VCAN: variants seen among roughly 807,000 people sequenced by gnomAD.
The protein encoded by VCAN is versican core protein.
In VCAN, 44 loss-of-function variants were observed where a neutral mutation model predicts 245.5. That is an observed-to-expected ratio of 0.18 (90% CI 0.14 to 0.23). VCAN has a LOEUF of 0.23. VCAN is among the 10% of genes least tolerant of loss of function. VCAN has a pLI of 1.00. For synonymous variants in VCAN, 1,413 were observed against 1,437.0 expected, an observed-to-expected ratio of 0.98 and a Z score of 0.38; for missense variants, 3,793 against 4,057.9, an observed-to-expected ratio of 0.93 and a Z score of 1.77.
intron 1 of VCAN, 24 bp downstream of exon 1, chr5:83,472,047 C>T: frequency 3.0e-6 from 1 of 336,506 alleles, no homozygotes. Flanking sequence ...TTTTGTTCCC[C>T]CCTTAAAAAA....
At chr5:83,487,862 C>G (rs1005481581) in intron 2 of VCAN, among the ~76,000 whole-genome samples, 2 of 151,972 alleles carry the variant, frequency 1.3e-5, no homozygotes, top group Admixed American at 6.6e-5. Context: ...ATGTCTGTCC[C>G]TATATACTTC....
chr5:83,570,616 G>C lies in VCAN; in HGVS notation c.9736-1800G>C, dbSNP rs558607697. Among the ~76,000 whole-genome samples the C allele has an allele frequency of 1.1e-4, 17 of 152,062 alleles. No individual in the cohort carries two copies. The East Asian group carries it at 3.3e-3, about 29-fold the overall frequency. On this transcript the variant is annotated intron_variant, in intron 12 of 14. Transcript: ENST00000265077. Reference sequence around the variant, plus strand: ...ATTGGTATACAAATCCAATTTCATAGGTAGGAGAATACCTTTTAAGTTTTT... The same window carrying C: ...ATTGGTATACAAATCCAATTTCATACGTAGGAGAATACCTTTTAAGTTTTT...
chr5:83,567,229 T>TGC (rs1167614027), intron 12 of VCAN, among the ~76,000 whole-genome samples: 2 of 152,040 alleles, frequency 1.3e-5, no homozygotes, highest in African/African-American at 4.8e-5. Context: ...TATAAAATAA[T>TGC]TATCTCTTAA....
chr5:83,477,828 T>C (rs1423121732), intron 1 of VCAN, among the ~76,000 whole-genome samples: 2 of 152,040 alleles, frequency 1.3e-5, no homozygotes, highest in African/African-American at 2.4e-5. Context: ...CATAGAGTTT[T>C]AAAATTATAG....
At chr5:83,488,874 G>GT (rs1744874270) in intron 2 of VCAN, among the ~76,000 whole-genome samples, 1 of 152,154 alleles carries the variant, frequency 6.6e-6, no homozygotes, top group Non-Finnish European at 1.5e-5. Context: ...CACATGAAAT[G>GT]TTTTATAGGC....
Position 83,555,052 on chromosome 5 carries a change from G to A in VCAN, c.9735+14G>A, listed in dbSNP as rs1176239522. 6.2e-7 allele frequency: 1 copy of A among 1,612,994 alleles called. No homozygotes were observed. Among genetic ancestry groups the A allele is most frequent in the South Asian group, 1.1e-5 (1 of 91,056 alleles). On this transcript the variant is annotated intron_variant, in intron 12 of 14. Transcript: ENST00000265077. ...GGCAGCACACTGGTAAGATGCCCTTGAAAATGATGTCAAGTTCTACCTTCT... is the reference window on the plus strand; with the variant it reads ...GGCAGCACACTGGTAAGATGCCCTTAAAAATGATGTCAAGTTCTACCTTCT...
intron 6 of VCAN, 132 bp from the exon 7 acceptor site, chr5:83,519,217 C>G: frequency 1.3e-6 from 1 of 798,418 alleles, no homozygotes; most frequent in Non-Finnish European, 2.0e-6. Context: ...TAAGACTCCT[C>G]TCCATCACAG....
rs776206873 is a variant in VCAN, at chr5:83,539,217, C to T, written c.6214C>T (p.Pro2072Ser). ...AGCAGAAGTGGAAGGTACGAAAGCT[C>T]CAGTAGAGAAGGAGGAAGTAAAGGT... ...PTAEVEGTKA[P>S]VEKEEVKVSG... Residue 2072 changes from proline to serine, a missense_variant, in exon 8 of 15, where the codon CCA becomes TCA. By Grantham distance (74) the Pro-to-Ser change is moderately conservative (BLOSUM62 -1). This residue lies in a region of VCAN where 3,182 missense variants were observed against 3,250.3 expected (regional missense o/e 0.98). Coordinates refer to ENST00000265077, the MANE Select transcript of VCAN (RefSeq NM_004385.5). 1 of 1,613,904 alleles carries T rather than the reference C, an allele frequency of 6.2e-7. No individual in the cohort carries two copies. The highest frequency in any genetic ancestry group is 8.5e-7 in the Non-Finnish European group (1 of 1,179,946).
chr5:83,565,941 T>C (rs1748063478), intron 12 of VCAN, among the ~76,000 whole-genome samples: 1 of 151,946 alleles, frequency 6.6e-6, no homozygotes, highest in African/African-American at 2.4e-5. Flanking sequence ...CTAAGTCTTA[T>C]CTATTTCTGA....
chr5:83,555,660 A>G (rs1292495643), intron 12 of VCAN, among the ~76,000 whole-genome samples: 2 of 152,182 alleles, frequency 1.3e-5, no homozygotes, highest in African/African-American at 2.4e-5. Context: ...ACTAAACTCA[A>G]ATAAATCTAA....
intron 12 of VCAN, among the ~76,000 whole-genome samples, chr5:83,563,697 C>T (rs536028580): frequency 2.3e-4 from 35 of 152,248 alleles, no homozygotes; most frequent in Middle Eastern, 6.8e-3. Flanking sequence ...AATTTTGTAG[C>T]TCTGGGAGTA....
chr5:83,569,027 C>A (rs753634609), intron 12 of VCAN, among the ~76,000 whole-genome samples: 1 of 152,170 alleles, frequency 6.6e-6, no homozygotes, highest in African/African-American at 2.4e-5. Flanking sequence ...TTTATTTATT[C>A]TTCAAAGAAA....
intron 9 of VCAN, among the ~76,000 whole-genome samples, chr5:83,546,375 T>C (rs967142147): frequency 2.0e-5 from 3 of 152,156 alleles, no homozygotes; most frequent in African/African-American, 7.2e-5. Flanking sequence ...TTACAATGAT[T>C]GAGTAAAGAA....
At chr5:83,505,797 A>T (rs1745465219) in intron 5 of VCAN, among the ~76,000 whole-genome samples, 1 of 152,154 alleles carries the variant, frequency 6.6e-6, no homozygotes, top group African/African-American at 2.4e-5. Flanking sequence ...CCTACAGCAA[A>T]CTTCTGCCTG....
chr5:83,500,635 A>G (rs1480762065), intron 5 of VCAN, among the ~76,000 whole-genome samples: 2 of 152,162 alleles, frequency 1.3e-5, no homozygotes, highest in Non-Finnish European at 2.9e-5. Context: ...AGGTTAAGTG[A>G]TTAGATATGC....
At chr5:83,498,646 CA>C (rs770093870) in intron 5 of VCAN, among the ~76,000 whole-genome samples, 1 of 152,048 alleles carries the variant, frequency 6.6e-6, no homozygotes, top group Non-Finnish European at 1.5e-5. Flanking sequence ...GAAAGAATAC[CA>C]AAAGAACAAA....
rs187567161 is a variant in VCAN at position 83,580,452 on chromosome 5, A to G, written c.*18A>G. 1,115 of 1,613,424 alleles carry G rather than the reference A, an allele frequency of 6.9e-4. No homozygotes were observed. The highest frequency in any genetic ancestry group is 1.2e-3 in the Admixed American group (70 of 59,956). On this transcript the variant is annotated 3_prime_UTR_variant, in exon 15 of 15. Coordinates refer to ENST00000265077, the MANE Select transcript of VCAN (RefSeq NM_004385.5). ...GGCGCTGATCCCTAAAATGGCGAAC[A>G]TGTGTTTTCATCATTTCAGCCAAAG... is the stretch of plus-strand genomic sequence containing the variant.
At chr5:83,476,462 T>C (rs2197498) in intron 1 of VCAN, among the ~76,000 whole-genome samples, 4,628 of 152,316 alleles carry the variant, frequency 0.03, 210 homozygotes, top group African/African-American at 0.1. Flanking sequence ...CACTCATTGT[T>C]GGGAGTTACT....
intron 6 of VCAN, among the ~76,000 whole-genome samples, chr5:83,513,888 G>A (rs310513): frequency 0.061 from 9,211 of 152,136 alleles, 703 homozygotes; most frequent in East Asian, 0.2. Context: ...ATTAGGGAAC[G>A]AATAGAATTA....
Sources: gnomAD v4.1 joint callset for allele counts (sites outside exome capture counted in the v4.1 genomes callset) on GRCh38, gnomAD v4.1.1 for gene constraint, gnomAD v4.1.1 regional missense constraint, MANE v1.5 for transcripts, NCBI Gene and HGNC (gene_info 2026-07-23, HGNC 2026-07-21) for gene names.